FGF14: variants seen among roughly 807,000 people sequenced by gnomAD.
FGF14 encodes the protein fibroblast growth factor 14, also known as fibroblast growth factor homologous factor 4.
FGF14 carries 5 observed loss-of-function variants against 25.5 expected under a neutral mutation model. That is an observed-to-expected ratio of 0.20 (90% CI 0.10 to 0.41). The LOEUF is 0.41. Ranked by LOEUF, FGF14 falls within the 10% of genes least tolerant of loss-of-function variation. The probability of loss-of-function intolerance (pLI) is 1.00; values close to 1 mark genes in which losing one functional copy is unlikely to be tolerated. For synonymous variants in FGF14, 138 were observed against 118.3 expected, an observed-to-expected ratio of 1.17 and a Z score of -1.08; for missense variants, 222 against 320.1, an observed-to-expected ratio of 0.69 and a Z score of 2.34.
intron 1 of FGF14, among the ~76,000 whole-genome samples, chr13:101,971,304 G>A (rs1228041847): frequency 5.3e-5 from 8 of 151,974 alleles, no homozygotes; most frequent in Admixed American, 5.2e-4. Flanking sequence ...AGTGGGGATG[G>A]GAGCTCATTT....
intron 1 of FGF14, among the ~76,000 whole-genome samples, chr13:102,275,615 T>G (rs959063644): frequency 6.6e-6 from 1 of 152,178 alleles, no homozygotes; most frequent in African/African-American, 2.4e-5. Context: ...GCAAAGAACA[T>G]TAGATATAGA....
At chr13:101,843,233 T>C (rs975575366) in intron 3 of FGF14, among the ~76,000 whole-genome samples, 1 of 152,068 alleles carries the variant, frequency 6.6e-6, no homozygotes, top group African/African-American at 2.4e-5. Flanking sequence ...GTTTTTCCTC[T>C]AGCATTAAAC....
chr13:102,224,269 GC>G (rs2050738856), intron 1 of FGF14, among the ~76,000 whole-genome samples: 1 of 152,100 alleles, frequency 6.6e-6, no homozygotes, highest in African/African-American at 2.4e-5. Context: ...CAGGGTCTTT[GC>G]AGGGCTTGCA....
intron 1 of FGF14, among the ~76,000 whole-genome samples, chr13:101,969,090 C>T (rs1199988378): frequency 6.6e-6 from 1 of 152,166 alleles, no homozygotes; most frequent in Non-Finnish European, 1.5e-5. Flanking sequence ...AAAATCTGGC[C>T]AGTGGGCTCC....
chr13:102,401,363 TG>T, intron 1 of FGF14: 2 of 1,022,868 alleles, frequency 2.0e-6, no homozygotes, highest in Non-Finnish European at 3.0e-6. Flanking sequence ...TCCTGGTTCC[TG>T]GTATGTTTCC....
rs147351904 is a variant in FGF14 at position 101,958,508 on chromosome 13, G to A, written c.209-83212C>T. On this transcript the variant is annotated intron_variant, in intron 1 of 4. Coordinates refer to the FGF14 transcript ENST00000376131. Reference sequence around the variant, plus strand: ...TTAGGCCTCCTTGCTTTTCTGAACTGTTGCAATGGCTCTCCTGGCTTGTGT... The same window carrying A: ...TTAGGCCTCCTTGCTTTTCTGAACTATTGCAATGGCTCTCCTGGCTTGTGT... Among the ~76,000 whole-genome samples, 3 of 152,282 alleles carry A rather than the reference G, an allele frequency of 2.0e-5. No homozygotes were observed. In the East Asian group the frequency reaches 5.8e-4, roughly 29 times the overall value.
intron 1 of FGF14, among the ~76,000 whole-genome samples, chr13:102,143,135 G>A (rs188067124): frequency 3.9e-5 from 6 of 152,138 alleles, no homozygotes; most frequent in African/African-American, 1.2e-4. Context: ...CCCAGTGATG[G>A]TCATGCATGT....
chr13:102,386,915 T>TA (rs1226572615), intron 1 of FGF14, among the ~76,000 whole-genome samples: 3 of 152,254 alleles, frequency 2.0e-5, no homozygotes, highest in Admixed American at 6.5e-5. Context: ...ATTAAATCAC[T>TA]ACTCACTCAC....
rs1413356303 is a variant in FGF14, at chr13:101,718,640, A to T, written c.*4191T>A. On this transcript the variant is annotated 3_prime_UTR_variant, in exon 5 of 5. Transcript: ENST00000376143. Reference sequence around the variant, plus strand: ...CTAAAGTGCTAAGTCATAAGAGGAGAGCCATTATACCCGTTGTCTTTCTGG... The same window carrying T: ...CTAAAGTGCTAAGTCATAAGAGGAGTGCCATTATACCCGTTGTCTTTCTGG... The T allele has an allele frequency of 6.6e-6, 1 of 152,050 alleles. No homozygotes were observed. The highest frequency in any genetic ancestry group is 1.5e-5 in the Non-Finnish European group (1 of 68,012). 9.4% of individuals were successfully genotyped at this position (152,050 alleles called of 1,614,324 possible).
intron 1 of FGF14, among the ~76,000 whole-genome samples, chr13:102,347,801 G>A (rs117873528): frequency 2.6e-5 from 4 of 152,180 alleles, no homozygotes; most frequent in East Asian, 1.9e-4. Flanking sequence ...CCCGAAATTC[G>A]AATGGAATCA....
chr13:102,054,314 T>TC (rs149698294), intron 1 of FGF14, among the ~76,000 whole-genome samples: 5,361 of 152,240 alleles, frequency 0.035, 293 homozygotes, highest in African/African-American at 0.12. Context: ...TTAGAGGAGT[T>TC]CCCTCCTAGA....
At chr13:102,205,371 A>G (rs905009348) in intron 1 of FGF14, among the ~76,000 whole-genome samples, 9 of 152,198 alleles carry the variant, frequency 5.9e-5, no homozygotes, top group African/African-American at 1.7e-4. Flanking sequence ...AAAAAACCCA[A>G]TGGTAATTAT....
chr13:102,195,098 T>G (rs2049291840), intron 1 of FGF14, among the ~76,000 whole-genome samples: 1 of 152,098 alleles, frequency 6.6e-6, no homozygotes, highest in East Asian at 1.9e-4. Context: ...ATCTACTCTA[T>G]AAGAAATGCT....
rs1242599000 is a variant in FGF14, at chr13:102,335,570, C to T, written c.208+65901G>A. ...CCCGAATGCCTATGAAAGAAAGAGA[C>T]CAAGAAGGTGCACTCCATTTTACCC... On this transcript the variant is annotated intron_variant, in intron 1 of 4. Transcript: ENST00000376131. Among the ~76,000 whole-genome samples, 3 of 152,070 alleles carry T rather than the reference C, an allele frequency of 2.0e-5. No individual in the cohort carries two copies. In the South Asian group the frequency reaches 6.2e-4, roughly 32 times the overall value.
chr13:101,951,168 G>A (rs1328582931), intron 1 of FGF14, among the ~76,000 whole-genome samples: 1 of 152,116 alleles, frequency 6.6e-6, no homozygotes, highest in African/African-American at 2.4e-5. Flanking sequence ...TATAAATCAG[G>A]CTAAGAACGT....
At chr13:102,111,152 C>T (rs1304127839) in intron 1 of FGF14, among the ~76,000 whole-genome samples, 1 of 152,166 alleles carries the variant, frequency 6.6e-6, no homozygotes, top group Non-Finnish European at 1.5e-5. Context: ...GCAGGCACCA[C>T]TGCTTCCTCC....
chr13:102,326,152 G>T (rs1041854419), intron 1 of FGF14, among the ~76,000 whole-genome samples: 1 of 151,894 alleles, frequency 6.6e-6, no homozygotes, highest in African/African-American at 2.4e-5. Flanking sequence ...AATGAAATTT[G>T]TAAATAAGCC....
intron 1 of FGF14, among the ~76,000 whole-genome samples, chr13:101,902,315 G>C (rs1385820762): frequency 6.6e-6 from 1 of 151,282 alleles, no homozygotes; most frequent in African/African-American, 2.4e-5. Context: ...AAGCTTCTTG[G>C]CTTTTCTTGT....
intron 3 of FGF14, among the ~76,000 whole-genome samples, chr13:101,755,537 G>T (rs1340875878): frequency 2.0e-5 from 3 of 152,020 alleles, no homozygotes; most frequent in African/African-American, 7.3e-5. Flanking sequence ...GATCAAAAGA[G>T]TTGGCTAAAA....
Sources: allele counts gnomAD v4.1 joint callset (sites outside exome capture counted in the v4.1 genomes callset), GRCh38; gene constraint gnomAD v4.1.1; transcripts MANE v1.5; gene names NCBI Gene and HGNC (gene_info 2026-07-23, HGNC 2026-07-21).